The following PPDPFL variants were observed in gnomAD, a reference collection of about 807,000 sequenced individuals.
PPDPFL encodes pancreatic progenitor cell differentiation and proliferation factor-like protein.
PPDPFL carries 12 observed loss-of-function variants against 12.6 expected under a neutral mutation model. That is an observed-to-expected ratio of 0.95 (90% CI 0.61 to 1.54). PPDPFL has a LOEUF of 1.54. Ranked by LOEUF, PPDPFL falls within the 40% of genes most tolerant of loss-of-function variation. PPDPFL has a pLI of 0.00. For synonymous variants in PPDPFL, 24 were observed against 32.7 expected, an observed-to-expected ratio of 0.73 and a Z score of 0.91; for missense variants, 114 against 96.0, an observed-to-expected ratio of 1.19 and a Z score of -0.78.
In PPDPFL at chr8:49,072,836, A is replaced by C. The variant is rs6980664; in HGVS notation, c.6A>C (p.Ala2=). The change falls in exon 2 of 5, where the codon GCA becomes GCC. Residue 2 remains alanine (A), a synonymous_variant. Coordinates refer to ENST00000522267, the MANE Select transcript of PPDPFL (RefSeq NM_001256597.2). ...GCTTTCTCACGGGTAAAGCCATGGC[A>C]TCCGTACCTTCCATTGGTTGCCTTC... M[A]SVPSIGCLLA... is the part of the protein sequence containing the mutation. 5.9e-3 allele frequency: 9,436 copies of C among 1,606,048 alleles called. 508 individuals are homozygous for C. The African/African-American group carries it at 0.11, about 19-fold the overall frequency.
intron 1 of PPDPFL, among the ~76,000 whole-genome samples, chr8:49,057,577 C>G (rs1337591255): frequency 6.6e-6 from 1 of 152,032 alleles, no homozygotes; most frequent in Non-Finnish European, 1.5e-5. Context: ...AATCTCAGAT[C>G]AAAGATATTT....
intron 1 of PPDPFL, among the ~76,000 whole-genome samples, chr8:49,059,977 A>G (rs1235680434): frequency 1.3e-5 from 2 of 152,196 alleles, no homozygotes; most frequent in Non-Finnish European, 2.9e-5. Context: ...ACCATCTGAT[A>G]AAAGTTAATA....
chr8:49,072,924 G>T, intron 2 of PPDPFL, 39 bp downstream of exon 2: 1 of 1,510,584 alleles, frequency 6.6e-7, no homozygotes. Context: ...TAGATAATAT[G>T]ATTTGAGGTG....
At chr8:49,059,213 C>T (rs888744931) in intron 1 of PPDPFL, among the ~76,000 whole-genome samples, 3 of 151,920 alleles carry the variant, frequency 2.0e-5, no homozygotes, top group Non-Finnish European at 2.9e-5. Flanking sequence ...ATATATATTC[C>T]GTGTGATGTG....
chr8:49,058,340 T>A (rs1808143795), intron 1 of PPDPFL, among the ~76,000 whole-genome samples: 1 of 152,342 alleles, frequency 6.6e-6, no homozygotes, highest in African/African-American at 2.4e-5. Context: ...TGTTGTTCCA[T>A]TTCTGTGTTT....
intron 1 of PPDPFL, among the ~76,000 whole-genome samples, chr8:49,056,208 C>T (rs1195209372): frequency 6.6e-6 from 1 of 152,194 alleles, no homozygotes; most frequent in African/African-American, 2.4e-5. Flanking sequence ...TCCTCCCTCT[C>T]CCTGTCTCAC....
chr8:49,073,386 T>A (rs534406817), intron 2 of PPDPFL, among the ~76,000 whole-genome samples: 1 of 152,316 alleles, frequency 6.6e-6, no homozygotes, highest in East Asian at 1.9e-4. Flanking sequence ...TAGAGAAGAT[T>A]GAGAAATTTC....
At chr8:49,064,946 G>A (rs998190682) in intron 1 of PPDPFL, among the ~76,000 whole-genome samples, 9 of 152,178 alleles carry the variant, frequency 5.9e-5, no homozygotes, top group Admixed American at 2.0e-4. Flanking sequence ...ATGTCTGCTA[G>A]ACAATAAAGG....
intron 1 of PPDPFL, among the ~76,000 whole-genome samples, chr8:49,064,377 C>A (rs1013003859): frequency 2.6e-5 from 4 of 152,140 alleles, no homozygotes; most frequent in African/African-American, 9.7e-5. Context: ...GACCTCAAGT[C>A]CTCTGCAGTG....
intron 1 of PPDPFL, among the ~76,000 whole-genome samples, chr8:49,056,447 T>C (rs921410763): frequency 1.3e-5 from 2 of 152,222 alleles, no homozygotes; most frequent in African/African-American, 4.8e-5. Context: ...ATTTGTAGCA[T>C]ATTTCTTTAC....
At chr8:49,056,170 A>T (rs190878054) in intron 1 of PPDPFL, among the ~76,000 whole-genome samples, 1 of 152,244 alleles carries the variant, frequency 6.6e-6, no homozygotes, top group East Asian at 1.9e-4. Flanking sequence ...TTCTCTACTG[A>T]CTTCTCTGAG....
intron 1 of PPDPFL, among the ~76,000 whole-genome samples, chr8:49,060,189 A>T (rs961706312): frequency 6.6e-6 from 1 of 152,216 alleles, no homozygotes; most frequent in Non-Finnish European, 1.5e-5. Flanking sequence ...TAAATAAATA[A>T]CATATAATTT....
intron 1 of PPDPFL, among the ~76,000 whole-genome samples, chr8:49,066,822 G>A (rs1171527714): frequency 6.6e-6 from 1 of 152,138 alleles, no homozygotes; most frequent in Admixed American, 6.5e-5. Context: ...GAGATGTGTG[G>A]CTGTGGCAAT....
intron 1 of PPDPFL, among the ~76,000 whole-genome samples, chr8:49,060,006 T>C (rs1808171493): frequency 6.6e-6 from 1 of 152,182 alleles, no homozygotes; most frequent in Non-Finnish European, 1.5e-5. Flanking sequence ...CAACTGAAAG[T>C]TTAGCAGGGT....
At chr8:49,055,404 C>T (rs973892454) in intron 1 of PPDPFL, among the ~76,000 whole-genome samples, 1 of 152,150 alleles carries the variant, frequency 6.6e-6, no homozygotes, top group Admixed American at 6.5e-5. Flanking sequence ...ACTACCTGCT[C>T]AGGCCCCATT....
At chr8:49,064,568 C>G (rs907956173) in intron 1 of PPDPFL, among the ~76,000 whole-genome samples, 1 of 151,956 alleles carries the variant, frequency 6.6e-6, no homozygotes, top group Non-Finnish European at 1.5e-5. Flanking sequence ...CCCCCCAGGA[C>G]AAGCCCACCG....
chr8:49,062,794 C>T (rs908034632), intron 1 of PPDPFL, among the ~76,000 whole-genome samples: 1 of 152,116 alleles, frequency 6.6e-6, no homozygotes, highest in Non-Finnish European at 1.5e-5. Flanking sequence ...AGCATTGCTT[C>T]ATTTGTACAA....
Position 49,075,220 on chromosome 8 carries a change from G to A in PPDPFL, c.*47G>A, listed in dbSNP as rs1440767359. ...TTTGATGAACATGTTGGTAACGGTTGCCTGCCTTATGTAGCATGAACAGTT... is the reference window on the plus strand; with the variant it reads ...TTTGATGAACATGTTGGTAACGGTTACCTGCCTTATGTAGCATGAACAGTT... On this transcript the variant is annotated 3_prime_UTR_variant, in exon 5 of 5. Transcript: ENST00000522267. The A allele has an allele frequency of 1.2e-6, 2 of 1,613,844 alleles. No individual in the cohort carries two copies. The highest frequency in any genetic ancestry group is 1.7e-6 in the Non-Finnish European group (2 of 1,179,882).
chr8:49,071,828 T>A (rs1350539971), upstream of PPDPFL, among the ~76,000 whole-genome samples: 1 of 152,246 alleles, frequency 6.6e-6, no homozygotes, highest in Non-Finnish European at 1.5e-5. Context: ...TCTAACTCAC[T>A]GTCCATCTGT....
Sources: allele counts gnomAD v4.1 joint callset (sites outside exome capture counted in the v4.1 genomes callset), GRCh38; gene constraint gnomAD v4.1.1; transcripts MANE v1.5; gene names NCBI Gene and HGNC (gene_info 2026-07-23, HGNC 2026-07-21).